The following ZFAT variants were observed in gnomAD, a reference collection of about 807,000 sequenced individuals.
ZFAT encodes the protein zinc finger protein ZFAT.
ZFAT carries 64 observed loss-of-function variants against 117.7 expected under a neutral mutation model. The observed-to-expected ratio is 0.54, with a 90% CI of 0.44 to 0.67. The LOEUF (loss-of-function observed/expected upper bound fraction) is 0.67, where lower values mean the gene tolerates loss of function less well. ZFAT is among the 30% of genes least tolerant of loss of function. The pLI is 0.00. For synonymous variants in ZFAT, 679 were observed against 615.0 expected (o/e 1.10, Z -1.54); for missense variants, 1,433 against 1,584.5 (o/e 0.90, Z 1.62).
chr8:134,572,416 C>T (rs1167545598), intron 10 of ZFAT, among the ~76,000 whole-genome samples: 3 of 152,204 alleles, frequency 2.0e-5, no homozygotes, highest in Non-Finnish European at 4.4e-5. Flanking sequence ...TCATCCGCTA[C>T]TGCACACAAA....
intron 11 of ZFAT, among the ~76,000 whole-genome samples, chr8:134,545,984 A>G (rs1563831931): frequency 6.6e-6 from 1 of 152,242 alleles, no homozygotes; most frequent in Admixed American, 6.5e-5. Flanking sequence ...CAAGGTTTTT[A>G]TGACGACTAT....
chr8:134,591,621 A>G (rs1229795360), intron 7 of ZFAT, among the ~76,000 whole-genome samples: 1 of 152,220 alleles, frequency 6.6e-6, no homozygotes. Context: ...TACAGAGGTA[A>G]TCCAGTTAAA....
At chr8:134,679,601 G>T (rs560980894) in intron 1 of ZFAT, among the ~76,000 whole-genome samples, 6 of 152,152 alleles carry the variant, frequency 3.9e-5, no homozygotes, top group Non-Finnish European at 4.4e-5. Context: ...ATATCCAAAG[G>T]ATTATAAAAC....
Position 134,696,335 on chromosome 8 carries a change from T to C in ZFAT, c.19+16510A>G, listed in dbSNP as rs572454107. 853 of 973,094 alleles carry C rather than the reference T, an allele frequency of 8.8e-4. 2 individuals are homozygous for C. The highest frequency in any genetic ancestry group is 1.0e-3 in the Non-Finnish European group (826 of 818,626). 60.3% of individuals were successfully genotyped at this position (973,094 alleles called of 1,614,324 possible). A position where few individuals can be genotyped will look rare whatever the true frequency, so the allele number is the denominator to read the frequency against. ...ACAGCGTTCCTGCCAGGAGTTGCTA[T>C]AGGCGACCAGGAGTGGAGAACAGCC... On this transcript the variant is annotated intron_variant, in intron 1 of 15. Transcript: ENST00000377838.
chr8:134,816,722 C>T, the ZFAT span, among the ~76,000 whole-genome samples: 68 of 152,088 alleles, frequency 4.5e-4, no homozygotes, highest in Non-Finnish European at 7.8e-4. Flanking sequence ...CGGTGGCTCA[C>T]GCCTGTAATC....
chr8:134,498,341 C>A (rs1818671213), intron 15 of ZFAT, among the ~76,000 whole-genome samples: 1 of 147,468 alleles, frequency 6.8e-6, no homozygotes, highest in East Asian at 2.0e-4. Flanking sequence ...TGGGATGCCC[C>A]CGTTGCTGGT....
At chr8:134,569,049 A>G (rs1014963960) in intron 10 of ZFAT, among the ~76,000 whole-genome samples, 3 of 152,198 alleles carry the variant, frequency 2.0e-5, no homozygotes, top group Non-Finnish European at 4.4e-5. Context: ...ATTACAAAGA[A>G]AAGAGGTTGA....
intron 3 of ZFAT, among the ~76,000 whole-genome samples, chr8:134,628,426 G>A (rs56413514): frequency 0.094 from 14,374 of 152,158 alleles, 873 homozygotes; most frequent in Non-Finnish European, 0.15. Flanking sequence ...TTCTTAAGGC[G>A]CTTAGGCTGT....
intron 7 of ZFAT, 86 bp from the exon 8 acceptor site, chr8:134,590,441 C>CCCA: frequency 4.0e-6 from 4 of 994,708 alleles, no homozygotes; most frequent in Non-Finnish European, 6.1e-6. Flanking sequence ...ACCATCATCA[C>CCCA]CCACCACCAC....
chr8:134,768,343 A>G, the ZFAT span, among the ~76,000 whole-genome samples: 1 of 152,250 alleles, frequency 6.6e-6, no homozygotes, highest in African/African-American at 2.4e-5. Flanking sequence ...TTACGTAATT[A>G]ATAAATGTCG....
intron 10 of ZFAT, among the ~76,000 whole-genome samples, chr8:134,569,737 A>G (rs10097383): frequency 0.58 from 88,708 of 151,956 alleles, 26,615 homozygotes; most frequent in East Asian, 0.89. Flanking sequence ...AGGTGACCCC[A>G]CAGTGGACCT....
chr8:134,599,784 G>A (rs777243261), intron 7 of ZFAT: 3 of 455,924 alleles, frequency 6.6e-6, no homozygotes, highest in Non-Finnish European at 1.3e-5. Flanking sequence ...TCACTCTCAG[G>A]TGTCAGCCTC....
At chr8:134,564,344 C>A (rs901147836) in intron 11 of ZFAT, among the ~76,000 whole-genome samples, 1 of 152,130 alleles carries the variant, frequency 6.6e-6, no homozygotes, top group Non-Finnish European at 1.5e-5. Flanking sequence ...CCCAGTAGAA[C>A]ACCCCACGCC....
intron 7 of ZFAT, chr8:134,597,935 T>C (rs1352332155): frequency 3.3e-5 from 5 of 152,288 alleles, no homozygotes; most frequent in African/African-American, 4.8e-5. Flanking sequence ...CTGCAGTTAG[T>C]TGCACAGAAA....
intron 7 of ZFAT, among the ~76,000 whole-genome samples, chr8:134,590,658 C>CTG (rs1158081208): frequency 1.5e-4 from 23 of 148,638 alleles, no homozygotes; most frequent in African/African-American, 5.4e-4. Flanking sequence ...ACCACCACCA[C>CTG]CAACACCACC....
intron 11 of ZFAT, among the ~76,000 whole-genome samples, chr8:134,550,310 GAA>G (rs10680896): frequency 2.8e-5 from 2 of 72,540 alleles, no homozygotes; most frequent in South Asian, 1.3e-3. Flanking sequence ...GGTCACAACG[GAA>G]AAAAAAAAAA....
intron 11 of ZFAT, among the ~76,000 whole-genome samples, chr8:134,539,809 C>T (rs1371868913): frequency 6.6e-6 from 1 of 152,168 alleles, no homozygotes; most frequent in Non-Finnish European, 1.5e-5. Context: ...CATTCTATGT[C>T]AAGCAAGGGT....
intron 1 of ZFAT, among the ~76,000 whole-genome samples, chr8:134,678,677 G>C (rs918063295): frequency 6.6e-6 from 1 of 152,078 alleles, no homozygotes; most frequent in Admixed American, 6.5e-5. Flanking sequence ...ATCACTACCT[G>C]ATTTCAAACT....
intron 3 of ZFAT, among the ~76,000 whole-genome samples, chr8:134,632,077 G>A (rs1829928566): frequency 1.3e-5 from 2 of 152,052 alleles, no homozygotes; most frequent in Admixed American, 1.3e-4. Flanking sequence ...TGAACAACAT[G>A]GGTTTGAACT....
Sources: allele counts gnomAD v4.1 joint callset (sites outside exome capture counted in the v4.1 genomes callset), GRCh38; gene constraint gnomAD v4.1.1; transcripts MANE v1.5; gene names NCBI Gene and HGNC (gene_info 2026-07-23, HGNC 2026-07-21).